KCTD2: variants seen among roughly 807,000 people sequenced by gnomAD.
KCTD2 encodes the protein BTB/POZ domain-containing protein KCTD2.
Under a neutral mutation model 27.9 loss-of-function variants are expected in KCTD2, and 18 were observed. That is an observed-to-expected ratio of 0.64 (90% confidence interval 0.45 to 0.96). KCTD2 has a LOEUF of 0.96. Among genes scored for constraint, KCTD2 ranks in the 40% least tolerant of loss-of-function variants. The pLI is 0.00. For synonymous variants in KCTD2, 175 were observed against 148.4 expected, an observed-to-expected ratio of 1.18 and a Z score of -1.30; for missense variants, 280 against 348.0, an observed-to-expected ratio of 0.80 and a Z score of 1.56.
chr17:75,052,920 C>A, intron 2 of KCTD2, 94 bp from the exon 3 acceptor site: 1 of 880,824 alleles, frequency 1.1e-6, no homozygotes, highest in South Asian at 1.3e-5. Flanking sequence ...AATAAATAAG[C>A]AGTTTTTAGC....
At chr17:75,039,218 A>G in intron 3 of KCTD2, 1 of 1,613,726 alleles carries the variant, frequency 6.2e-7, no homozygotes, top group Non-Finnish European at 8.5e-7. Context: ...CCTCTTTCTC[A>G]TATTCTACAA....
At chr17:75,053,751 CTT>C (rs1338227960) in intron 3 of KCTD2, among the ~76,000 whole-genome samples, 1 of 149,784 alleles carries the variant, frequency 6.7e-6, no homozygotes, top group African/African-American at 2.5e-5. Flanking sequence ...CTTGGCCACT[CTT>C]TATGGAGATG....
In KCTD2 at chr17:75,049,230, G is replaced by A; in HGVS notation, c.350G>A (p.Gly117Glu). ...GTGTTTGGTTGGCAGGATGAGACAG[G>A]AGCCTATCTGATTGACAGGGACCCC... Reference protein sequence around the residue: ...PELDSDKDETGAYLIDRDPTY... With the variant: ...PELDSDKDETEAYLIDRDPTY... Residue 117 changes from glycine to glutamate, a missense_variant, in exon 2 of 6, where the codon GGA (glycine) becomes GAA (glutamate). Gly to Glu is a moderately conservative substitution (Grantham distance 98, BLOSUM62 -2). Coordinates refer to ENST00000322444, the MANE Select transcript of KCTD2 (RefSeq NM_015353.3). 6.2e-7 allele frequency: 1 copy of A among 1,609,012 alleles called. No homozygotes were observed. Among genetic ancestry groups the A allele is most frequent in the East Asian group, 2.2e-5 (1 of 44,854 alleles).
At chr17:75,036,651 C>T (rs1036108282) in intron 3 of KCTD2, among the ~76,000 whole-genome samples, 2 of 152,246 alleles carry the variant, frequency 1.3e-5, no homozygotes, top group Non-Finnish European at 2.9e-5. Flanking sequence ...CAGCGGTGCT[C>T]TCCTTGAACA....
chr17:75,056,828 A>C lies in KCTD2; in HGVS notation c.541-2682A>C, dbSNP rs148175224. Among the ~76,000 whole-genome samples, 197 of 151,908 alleles carry C rather than the reference A, an allele frequency of 1.3e-3. 4 individuals carry two copies. In the East Asian group the frequency reaches 0.03, roughly 23 times the overall value. On this transcript the variant is annotated intron_variant, in intron 3 of 5. Transcript: ENST00000322444. ...TCCTTGAACTTACCTGTAGCCCCTC[A>C]CACATGCAGGATTCAAGCCAAGCCC...
chr17:75,056,785 A>T (rs1006425751), intron 3 of KCTD2, among the ~76,000 whole-genome samples: 5 of 151,278 alleles, frequency 3.3e-5, no homozygotes, highest in African/African-American at 1.2e-4. Flanking sequence ...TTGTGTGTGG[A>T]TTTTCAAACA....
rs552098076 is a variant in KCTD2 at position 75,065,195 on chromosome 17, A to G, written c.*2148A>G. On this transcript the variant is annotated 3_prime_UTR_variant, in exon 6 of 6. Coordinates refer to ENST00000322444, the MANE Select transcript of KCTD2 (RefSeq NM_015353.3). ...GCTCTGGGAAATAGACAGGAGTGGT[A>G]TTTCCGCCCTCTCGGAGGGCTGGTG... 1.3e-4 allele frequency: 20 copies of G among 152,072 alleles called. No individual in the cohort carries two copies. Among genetic ancestry groups the G allele is most frequent in the Admixed American group, 7.9e-4 (12 of 15,272 alleles). The allele number at this position is 152,072 out of a possible 1,614,324, so 9.4% of individuals were successfully genotyped here.
In KCTD2 at chr17:75,063,218, GGACTCCGAA is replaced by G; in HGVS notation, c.*175_*183del. On this transcript the variant is annotated 3_prime_UTR_variant, in exon 6 of 6. Coordinates refer to ENST00000322444, the MANE Select transcript of KCTD2 (RefSeq NM_015353.3). Reference sequence around the variant, plus strand: ...TAAAGGAACTCCCTCCCCACCTGCAGGACTCCGAAGACAGTGCGACTTCTGGCTGCAGAA... The same window carrying G: ...TAAAGGAACTCCCTCCCCACCTGCAGGACAGTGCGACTTCTGGCTGCAGAA... 3.0e-6 allele frequency: 2 copies of G among 664,612 alleles called. No individual in the cohort carries two copies. 41.2% of individuals were successfully genotyped at this position (664,612 alleles called of 1,614,324 possible).
intron 2 of KCTD2, chr17:75,035,135 G>A (rs1287624081): frequency 1.3e-5 from 2 of 152,144 alleles, no homozygotes; most frequent in Admixed American, 6.5e-5. Context: ...TAATGGATAA[G>A]GCGTCTGACT....
intron 2 of KCTD2, among the ~76,000 whole-genome samples, chr17:75,034,458 T>C (rs1297066250): frequency 6.6e-6 from 1 of 152,000 alleles, no homozygotes; most frequent in Non-Finnish European, 1.5e-5. Context: ...GAACCCACAA[T>C]CCCTGGCTTA....
upstream of KCTD2, among the ~76,000 whole-genome samples, chr17:75,046,650 T>C (rs117008429): frequency 0.023 from 3,447 of 152,336 alleles, 54 homozygotes; most frequent in Non-Finnish European, 0.038. Context: ...TCTGCCGCGC[T>C]GGGAGCGGAC....
chr17:75,035,246 C>T (rs943045468), exon 3 of KCTD2: 4 of 152,152 alleles, frequency 2.6e-5, no homozygotes, highest in Non-Finnish European at 4.4e-5. Flanking sequence ...AGAAACGCCT[C>T]CCAATCCCTC....
intron 3 of KCTD2, among the ~76,000 whole-genome samples, chr17:75,054,668 A>G (rs769999055): frequency 8.5e-5 from 13 of 152,080 alleles, no homozygotes; most frequent in Admixed American, 5.9e-4. Context: ...TTAGCCAGGC[A>G]TGGTGATGGG....
Position 75,063,087 on chromosome 17 carries a change from C to T in KCTD2, c.*40C>T, listed in dbSNP as rs1598130558. The T allele has an allele frequency of 6.3e-6, 10 of 1,593,094 alleles. No homozygotes were observed. The highest frequency in any genetic ancestry group is 8.6e-6 in the Non-Finnish European group (10 of 1,161,704). On this transcript the variant is annotated 3_prime_UTR_variant, in exon 6 of 6. Transcript: ENST00000322444. ...AACTCCAGACCTTCAGGAGAGCAGT[C>T]AGCAGAGCCCCTCTGTGAAGTGAAA...
intron 2 of KCTD2, among the ~76,000 whole-genome samples, chr17:75,051,901 C>T (rs1230924677): frequency 6.6e-6 from 1 of 152,100 alleles, no homozygotes; most frequent in Non-Finnish European, 1.5e-5. Flanking sequence ...TCATAGTTGC[C>T]CTAAGGCCTT....
At chr17:75,042,244 G>A (rs377590780), upstream of KCTD2, 40 of 1,614,028 alleles carry the variant, frequency 2.5e-5, no homozygotes, top group African/African-American at 4.0e-4. Flanking sequence ...AAGCCCAGTC[G>A]ATAGCTGGTG....
At chr17:75,042,081 A>G in intron 3 of KCTD2, 1 of 1,042,204 alleles carries the variant, frequency 9.6e-7, no homozygotes, top group Non-Finnish European at 1.4e-6. Context: ...AAGCTTCCTT[A>G]GGGATCTGGC....
exon 3 of KCTD2, chr17:75,035,254 C>T (rs2040105418): frequency 6.6e-6 from 1 of 152,120 alleles, no homozygotes. Context: ...CTCCCAATCC[C>T]TCCACACCGC....
In KCTD2 at chr17:75,047,434, C is replaced by T. The variant is rs1156484145; in HGVS notation, c.184C>T (p.Pro62Ser). 3 of 1,453,728 alleles carry T rather than the reference C, an allele frequency of 2.1e-6. No homozygotes were observed. Among genetic ancestry groups the T allele is most frequent in the Admixed American group, 2.2e-5 (1 of 44,830 alleles). 90.1% of individuals were successfully genotyped at this position (1,453,728 alleles called of 1,614,324 possible). A position where few individuals can be genotyped will look rare whatever the true frequency, so the allele number is the denominator to read the frequency against. Reference protein sequence around the residue: ...AQPLEPGPGPPERAGGGGAAR... With the variant: ...AQPLEPGPGPSERAGGGGAAR... ...GCCGCTGGAGCCGGGTCCCGGACCACCCGAGCGGGCAGGGGGCGGCGGCGC... is the reference window on the plus strand; with the variant it reads ...GCCGCTGGAGCCGGGTCCCGGACCATCCGAGCGGGCAGGGGGCGGCGGCGC... The change falls in exon 1 of 6, where the codon CCC (proline) becomes TCC (serine). Residue 62 changes from proline to serine, a missense_variant. Coordinates refer to ENST00000322444, the MANE Select transcript of KCTD2 (RefSeq NM_015353.3).
Sources: allele counts gnomAD v4.1 joint callset (sites outside exome capture counted in the v4.1 genomes callset), GRCh38; gene constraint gnomAD v4.1.1; transcripts MANE v1.5; gene names NCBI Gene and HGNC (gene_info 2026-07-23, HGNC 2026-07-21).